Variants in SERGEF observed in about 807,000 individuals in gnomAD.
The protein encoded by SERGEF is secretion-regulating guanine nucleotide exchange factor.
Under a neutral mutation model 50.0 loss-of-function variants are expected in SERGEF, and 51 were observed. The observed-to-expected ratio is 1.02, with a 90% CI of 0.81 to 1.29. SERGEF has a LOEUF of 1.29. Among genes scored for constraint, SERGEF ranks in the 50% most tolerant of loss-of-function variants. The probability of loss-of-function intolerance (pLI) is 0.00; values close to 1 mark genes in which losing one functional copy is unlikely to be tolerated. For synonymous variants in SERGEF, 205 were observed against 212.4 expected (o/e 0.97, Z 0.30); for missense variants, 521 against 557.0 (o/e 0.94, Z 0.65).
intron 9 of SERGEF, among the ~76,000 whole-genome samples, chr11:17,958,653 C>A (rs1469145670): frequency 6.6e-6 from 1 of 152,104 alleles, no homozygotes; most frequent in Non-Finnish European, 1.5e-5. Flanking sequence ...CTGATATTAC[C>A]TCATAACTGT....
At chr11:17,952,201 T>C (rs550451300) in intron 9 of SERGEF, among the ~76,000 whole-genome samples, 3 of 152,336 alleles carry the variant, frequency 2.0e-5, no homozygotes, top group South Asian at 2.1e-4. Context: ...AAATACCACA[T>C]TGCAGTATTG....
At chr11:17,965,969 A>G (rs1853114082) in intron 8 of SERGEF, among the ~76,000 whole-genome samples, 1 of 152,230 alleles carries the variant, frequency 6.6e-6, no homozygotes, top group East Asian at 1.9e-4. Flanking sequence ...GTGAATGGCC[A>G]TTACTACTAC....
chr11:17,816,302 C>A (rs1051201905), intron 10 of SERGEF, among the ~76,000 whole-genome samples: 2 of 152,156 alleles, frequency 1.3e-5, no homozygotes, highest in South Asian at 4.2e-4. Context: ...TGAGACAGGG[C>A]GGTATTTGCA....
chr11:17,882,692 A>G (rs1262655333), intron 9 of SERGEF, among the ~76,000 whole-genome samples: 1 of 152,146 alleles, frequency 6.6e-6, no homozygotes, highest in African/African-American at 2.4e-5. Context: ...GTACAAAGAG[A>G]AGGGACTCAG....
chr11:17,876,746 CTTCT>C (rs1851241290), intron 10 of SERGEF, among the ~76,000 whole-genome samples: 1 of 152,248 alleles, frequency 6.6e-6, no homozygotes, highest in Non-Finnish European at 1.5e-5. Flanking sequence ...TCCCTGCCAT[CTTCT>C]TGTTTATGTT....
chr11:17,995,412 C>T (rs935400234), intron 6 of SERGEF, among the ~76,000 whole-genome samples: 3 of 152,136 alleles, frequency 2.0e-5, no homozygotes, highest in Non-Finnish European at 4.4e-5. Context: ...TTTAGTAGGG[C>T]CAACTCTATA....
At chr11:17,808,075 T>C (rs1849794913) in intron 10 of SERGEF, among the ~76,000 whole-genome samples, 1 of 152,152 alleles carries the variant, frequency 6.6e-6, no homozygotes, top group Non-Finnish European at 1.5e-5. Flanking sequence ...GTCAAACTCT[T>C]ACTGGCTGAG....
At chr11:17,993,052 A>AG in intron 6 of SERGEF, 59 bp from the exon 7 acceptor site, 2 of 1,443,200 alleles carry the variant, frequency 1.4e-6, no homozygotes, top group Non-Finnish European at 1.9e-6. Context: ...CTGGGCAGAG[A>AG]GGGGGCACTC....
intron 10 of SERGEF, among the ~76,000 whole-genome samples, chr11:17,841,462 A>G (rs1850500364): frequency 6.6e-6 from 1 of 152,222 alleles, no homozygotes; most frequent in African/African-American, 2.4e-5. Context: ...CCTGCTAAAT[A>G]TCTCAAACCA....
intron 10 of SERGEF, among the ~76,000 whole-genome samples, chr11:17,876,153 T>G (rs1851232946): frequency 6.6e-6 from 1 of 152,246 alleles, no homozygotes; most frequent in Non-Finnish European, 1.5e-5. Flanking sequence ...CTCTTGCTCC[T>G]GGCCACCAGG....
At chr11:17,939,386 T>G (rs541691240) in intron 9 of SERGEF, 1 of 152,264 alleles carries the variant, frequency 6.6e-6, no homozygotes, top group African/African-American at 2.4e-5. Context: ...CCCTCCCCGG[T>G]CTGATGGCTT....
At chr11:17,956,660 T>C (rs527710148) in intron 9 of SERGEF, among the ~76,000 whole-genome samples, 1 of 152,224 alleles carries the variant, frequency 6.6e-6, no homozygotes, top group South Asian at 2.1e-4. Context: ...GACCCTTCTT[T>C]GCAGACATCC....
rs1849423295 is a variant in SERGEF, at chr11:17,788,322, A to G, written c.1140T>C (p.Ala380=). 6.2e-7 allele frequency: 1 copy of G among 1,614,074 alleles called. No homozygotes were observed. The highest frequency in any genetic ancestry group is 8.5e-7 in the Non-Finnish European group (1 of 1,180,022). The change falls in exon 11 of 11, where the codon GCT becomes GCC. Residue 380 remains alanine, a synonymous_variant. Transcript: ENST00000265965. ...CAAGGAGTCCTGACGATGACAGCAG[A>G]GCCTGCACCGGCTTTGGGGCCCAGA... is the stretch of plus-strand genomic sequence containing the variant. ...ANVWAPKPVQ[A]LLSSSGLLVG... is the part of the protein sequence containing the mutation.
chr11:17,790,276 C>A (rs1259465471), intron 10 of SERGEF, among the ~76,000 whole-genome samples: 1 of 152,060 alleles, frequency 6.6e-6, no homozygotes, highest in Non-Finnish European at 1.5e-5. Context: ...TAGATGTGTC[C>A]TTAAATATTG....
In SERGEF at chr11:17,857,405, G is replaced by A. The variant is rs183645521; in HGVS notation, c.1048+20803C>T. On this transcript the variant is annotated intron_variant, in intron 10 of 10. Transcript: ENST00000265965. ...ATCAGCTAAGATTTTGCTTCTCCCC[G>A]CTCTGAAAAGCAGTCCCTCCCAGAC... Among the ~76,000 whole-genome samples the A allele has an allele frequency of 1.2e-4, 18 of 152,204 alleles. No homozygotes were observed. In the East Asian group the frequency reaches 3.1e-3, roughly 26 times the overall value.
chr11:17,837,052 G>A (rs1294986269), intron 10 of SERGEF, among the ~76,000 whole-genome samples: 1 of 152,078 alleles, frequency 6.6e-6, no homozygotes, highest in Non-Finnish European at 1.5e-5. Flanking sequence ...AGAACTAGCC[G>A]CTATCTATAG....
chr11:17,805,684 C>T (rs1461699435), intron 10 of SERGEF, among the ~76,000 whole-genome samples: 1 of 152,104 alleles, frequency 6.6e-6, no homozygotes, highest in African/African-American at 2.4e-5. Context: ...AACTACAGAC[C>T]CTAAAAGCTT....
At chr11:17,860,296 A>G (rs1335363673) in intron 10 of SERGEF, among the ~76,000 whole-genome samples, 1 of 152,334 alleles carries the variant, frequency 6.6e-6, no homozygotes, top group East Asian at 1.9e-4. Context: ...CATAGGAACC[A>G]TATCATGATA....
intron 10 of SERGEF, chr11:17,846,881 C>T (rs1850623494): frequency 2.5e-6 from 1 of 399,932 alleles, no homozygotes; most frequent in South Asian, 1.8e-5. Flanking sequence ...ATTCTAATCT[C>T]CTGAGGAAGA....
Sources: gnomAD v4.1 joint callset for allele counts (sites outside exome capture counted in the v4.1 genomes callset) on GRCh38, gnomAD v4.1.1 for gene constraint, MANE v1.5 for transcripts, NCBI Gene and HGNC (gene_info 2026-07-23, HGNC 2026-07-21) for gene names.